Variants in KCNIP1 observed in about 807,000 individuals in gnomAD.
The protein encoded by KCNIP1 is A-type potassium channel modulatory protein KCNIP1.
A neutral mutation model predicts 33.0 loss-of-function variants in KCNIP1; 18 were observed. That is an observed-to-expected ratio of 0.55 (90% CI 0.38 to 0.81). The LOEUF (loss-of-function observed/expected upper bound fraction) is 0.81. KCNIP1 is among the 30% of genes least tolerant of loss of function. KCNIP1 has a pLI of 0.00. For missense variants in KCNIP1, 238 were observed against 271.6 expected (o/e 0.88, Z 0.87); for synonymous variants, 93 against 98.3 (o/e 0.95, Z 0.32).
intron 1 of KCNIP1, chr5:170,484,033 G>C (rs1757031469): frequency 6.6e-6 from 1 of 152,254 alleles, no homozygotes. Context: ...CCCTCGGTGA[G>C]ACTGGCAGCC....
intron 1 of KCNIP1, among the ~76,000 whole-genome samples, chr5:170,360,633 C>A (rs1263044213): frequency 3.9e-5 from 6 of 152,156 alleles, no homozygotes; most frequent in African/African-American, 1.2e-4. Context: ...CAAAATTATC[C>A]CCCCTGCCCC....
At chr5:170,359,544 G>T (rs1437753583) in intron 1 of KCNIP1, among the ~76,000 whole-genome samples, 1 of 152,202 alleles carries the variant, frequency 6.6e-6, no homozygotes, top group Non-Finnish European at 1.5e-5. Flanking sequence ...CTCTGGTCAT[G>T]TTACAACAGC....
chr5:170,530,548 G>T (rs1446424209), intron 1 of KCNIP1, among the ~76,000 whole-genome samples: 1 of 152,222 alleles, frequency 6.6e-6, no homozygotes, highest in African/African-American at 2.4e-5. Flanking sequence ...CACAAGGTCA[G>T]CCCCTTGGCA....
chr5:170,460,816 C>T (rs1756487162), intron 1 of KCNIP1, among the ~76,000 whole-genome samples: 1 of 152,088 alleles, frequency 6.6e-6, no homozygotes, highest in Non-Finnish European at 1.5e-5. Flanking sequence ...AGCAATAAGA[C>T]AAGAGAAAGA....
intron 1 of KCNIP1, among the ~76,000 whole-genome samples, chr5:170,708,116 T>C (rs1176180499): frequency 6.6e-6 from 1 of 152,122 alleles, no homozygotes; most frequent in African/African-American, 2.4e-5. Context: ...GCTGTAAGAA[T>C]CTAAGACTTA....
At chr5:170,593,646 C>A (rs1268859495) in intron 1 of KCNIP1, among the ~76,000 whole-genome samples, 1 of 152,202 alleles carries the variant, frequency 6.6e-6, no homozygotes, top group Non-Finnish European at 1.5e-5. Flanking sequence ...ATTTAGGCAA[C>A]AAAGATAAAT....
In KCNIP1 at chr5:170,532,533, T is replaced by TTC. The variant is rs1004257642; in HGVS notation, c.61+27912_61+27913dup. Among the ~76,000 whole-genome samples the TTC allele has an allele frequency of 7.2e-5, 11 of 152,050 alleles. No individual in the cohort carries two copies. In the South Asian group the frequency reaches 1.5e-3, roughly 20 times the overall value. ...GACCACGCATGCATGTGCTCTCTCT[T>TTC]TCTCTCTCTCTCTAACACTTCTGGA... On this transcript the variant is annotated intron_variant, in intron 1 of 7. Coordinates refer to ENST00000328939, the MANE Select transcript of KCNIP1 (RefSeq NM_014592.4).
chr5:170,583,290 G>C (rs1399799590), intron 1 of KCNIP1, among the ~76,000 whole-genome samples: 1 of 152,122 alleles, frequency 6.6e-6, no homozygotes, highest in Non-Finnish European at 1.5e-5. Context: ...TGTTACCTCT[G>C]TATCCTCCAA....
At chr5:170,606,245 C>T (rs1018161150) in intron 1 of KCNIP1, among the ~76,000 whole-genome samples, 3 of 152,168 alleles carry the variant, frequency 2.0e-5, no homozygotes, top group African/African-American at 4.8e-5. Context: ...GTCTCTAATT[C>T]TTTGGGGTAT....
At chr5:170,694,247 A>G (rs935624968) in intron 1 of KCNIP1, among the ~76,000 whole-genome samples, 2 of 152,270 alleles carry the variant, frequency 1.3e-5, no homozygotes, top group Non-Finnish European at 2.9e-5. Context: ...TGAATAATAT[A>G]GCCATCCCAT....
intron 1 of KCNIP1, among the ~76,000 whole-genome samples, chr5:170,399,804 T>C (rs909943975): frequency 1.3e-5 from 2 of 152,212 alleles, no homozygotes; most frequent in African/African-American, 4.8e-5. Context: ...TCTGAGACAT[T>C]TAAGCTATTT....
intron 1 of KCNIP1, among the ~76,000 whole-genome samples, chr5:170,604,848 C>T (rs1758844110): frequency 6.6e-6 from 1 of 152,226 alleles, no homozygotes; most frequent in Admixed American, 6.5e-5. Flanking sequence ...GTGTGCGTGT[C>T]CACACACAGC....
At chr5:170,467,811 A>G (rs1451643770) in intron 1 of KCNIP1, among the ~76,000 whole-genome samples, 2 of 149,988 alleles carry the variant, frequency 1.3e-5, no homozygotes, top group East Asian at 2.0e-4. Flanking sequence ...CCAGCTACTC[A>G]GGAGGCTGAG....
At chr5:170,669,575 G>A in intron 1 of KCNIP1, 1 of 985,350 alleles carries the variant, frequency 1.0e-6, no homozygotes, top group Non-Finnish European at 1.2e-6. Context: ...AGCAGCAGGG[G>A]ATGGAGTGAG....
chr5:170,414,637 A>G (rs958067873), intron 1 of KCNIP1, among the ~76,000 whole-genome samples: 1 of 152,236 alleles, frequency 6.6e-6, no homozygotes, highest in African/African-American at 2.4e-5. Context: ...AAACTCTTTC[A>G]AATTTAATTC....
At chr5:170,534,232 G>C (rs935281281) in intron 1 of KCNIP1, among the ~76,000 whole-genome samples, 2 of 152,140 alleles carry the variant, frequency 1.3e-5, no homozygotes, top group African/African-American at 4.8e-5. Context: ...CCTAATTAGA[G>C]GTTCATTGGT....
chr5:170,380,973 A>G (rs561621704), intron 1 of KCNIP1, among the ~76,000 whole-genome samples: 40 of 152,376 alleles, frequency 2.6e-4, no homozygotes, highest in African/African-American at 9.1e-4. Flanking sequence ...TAAGAACTCA[A>G]AAAAGTGGAA....
Position 170,736,083 on chromosome 5 carries a change from A to G in KCNIP1, c.*277A>G. On this transcript the variant is annotated 3_prime_UTR_variant, in exon 8 of 8. Transcript: ENST00000328939. ...GCTCATCTCCTCACACTGCTGCCCTATGGAAGGTCCCTCTGCTTAAGCTTA... is the reference window on the plus strand; with the variant it reads ...GCTCATCTCCTCACACTGCTGCCCTGTGGAAGGTCCCTCTGCTTAAGCTTA... 2.1e-6 allele frequency: 1 copy of G among 466,850 alleles called. No individual in the cohort carries two copies. The allele number at this position is 466,850 out of a possible 1,614,324, so 28.9% of individuals were successfully genotyped here. A position where few individuals can be genotyped will look rare whatever the true frequency, so the allele number is the denominator to read the frequency against.
chr5:170,383,988 C>T, intron 1 of KCNIP1: 9 of 820,158 alleles, frequency 1.1e-5, no homozygotes, highest in Non-Finnish European at 1.7e-5. Context: ...CAGCATCCAG[C>T]AATAAAGGCA....
Sources: gnomAD v4.1 joint callset for allele counts (sites outside exome capture counted in the v4.1 genomes callset) on GRCh38, gnomAD v4.1.1 for gene constraint, MANE v1.5 for transcripts, NCBI Gene and HGNC (gene_info 2026-07-23, HGNC 2026-07-21) for gene names.